DUS2: variants seen among roughly 807,000 people sequenced by gnomAD.
DUS2 encodes dihydrouridine synthase 2.
In DUS2, 52 loss-of-function variants were observed where a neutral mutation model predicts 71.3. The observed-to-expected ratio is 0.73, with a 90% CI of 0.58 to 0.92. The LOEUF (loss-of-function observed/expected upper bound fraction) is 0.92, where lower values mean the gene tolerates loss of function less well. Ranked by LOEUF, DUS2 falls within the 40% of genes least tolerant of loss-of-function variation. DUS2 has a pLI of 0.00. For synonymous variants in DUS2, 204 were observed against 227.8 expected, an observed-to-expected ratio of 0.90 and a Z score of 0.94; for missense variants, 558 against 622.6, an observed-to-expected ratio of 0.90 and a Z score of 1.10.
intron 3 of DUS2, among the ~76,000 whole-genome samples, chr16:68,043,228 G>T (rs527784838): frequency 3.3e-5 from 5 of 152,158 alleles, no homozygotes; most frequent in African/African-American, 1.2e-4. Flanking sequence ...GCAACATGGT[G>T]AAACCCCGTC....
intron 4 of DUS2, among the ~76,000 whole-genome samples, chr16:68,051,778 T>C (rs2033782049): frequency 6.6e-6 from 1 of 152,204 alleles, no homozygotes; most frequent in Admixed American, 6.5e-5. Flanking sequence ...AGTGCTATAA[T>C]TTCATGCCGA....
At chr16:68,074,858 A>G (rs1370182403) in intron 13 of DUS2, among the ~76,000 whole-genome samples, 1 of 152,092 alleles carries the variant, frequency 6.6e-6, no homozygotes, top group African/African-American at 2.4e-5. Context: ...CCCTTGGCTT[A>G]TGGCATTGGT....
chr16:68,042,232 T>C (rs1357233552), intron 3 of DUS2, among the ~76,000 whole-genome samples: 1 of 152,216 alleles, frequency 6.6e-6, no homozygotes, highest in Admixed American at 6.5e-5. Context: ...CTCTATTGTA[T>C]GTATATATCA....
intron 10 of DUS2, among the ~76,000 whole-genome samples, chr16:68,067,833 A>G (rs2034031598): frequency 6.7e-6 from 1 of 150,128 alleles, no homozygotes; most frequent in African/African-American, 2.5e-5. Flanking sequence ...CTAATTTTTT[A>G]TTTTTTTGTA....
chr16:68,071,638 CTT>C (rs377115620), intron 12 of DUS2, among the ~76,000 whole-genome samples: 27 of 135,346 alleles, frequency 2.0e-4, no homozygotes, highest in Admixed American at 3.8e-4. Context: ...TAGGGAATAG[CTT>C]TTTTTTTTTT....
intron 3 of DUS2, 80 bp from the exon 4 acceptor site, chr16:68,049,425 C>T: frequency 1.4e-6 from 2 of 1,466,412 alleles, no homozygotes; most frequent in South Asian, 2.3e-5. Flanking sequence ...AAGCGATCCT[C>T]ATTAGGTGTG....
chr16:68,033,634 A>ATTTT (rs548683357), intron 2 of DUS2, among the ~76,000 whole-genome samples: 20 of 125,304 alleles, frequency 1.6e-4, no homozygotes, highest in Admixed American at 2.5e-4. Flanking sequence ...ACAGGTGCTA[A>ATTTT]TTTTTTTTTT....
intron 10 of DUS2, among the ~76,000 whole-genome samples, chr16:68,069,812 G>A (rs2034058325): frequency 6.6e-6 from 1 of 152,184 alleles, no homozygotes; most frequent in Non-Finnish European, 1.5e-5. Context: ...ATCTCTGGCA[G>A]AGGCAAAAGG....
intron 3 of DUS2, among the ~76,000 whole-genome samples, chr16:68,042,366 T>G (rs1196833876): frequency 6.6e-6 from 1 of 152,220 alleles, no homozygotes; most frequent in Admixed American, 6.5e-5. Flanking sequence ...TTTTAATTCT[T>G]TTGATTATAT....
intron 13 of DUS2, 30 bp downstream of exon 13, chr16:68,074,185 C>G: frequency 6.2e-7 from 1 of 1,613,074 alleles, no homozygotes. Context: ...GTCCATCTGT[C>G]CTTGTACGCA....
chr16:68,034,174 T>G (rs2033482682), intron 2 of DUS2, among the ~76,000 whole-genome samples: 1 of 152,112 alleles, frequency 6.6e-6, no homozygotes, highest in Admixed American at 6.6e-5. Flanking sequence ...GCTCTAGTGA[T>G]CTCACCTCAG....
At position 68,066,396 on chromosome 16, in the gene DUS2, G is replaced by A; in HGVS notation, c.483+14G>A. 1.2e-6 allele frequency: 2 copies of A among 1,613,176 alleles called. No individual in the cohort carries two copies. Among genetic ancestry groups the A allele is most frequent in the South Asian group, 2.2e-5 (2 of 91,068 alleles). ...ATCCTGCCATCGGTAAGGATGGTGT[G>A]TTACATATGAAGGTCCATTCTCTCT... On this transcript the variant is annotated intron_variant, in intron 9 of 16. Transcript: ENST00000565263.
chr16:68,046,601 C>T (rs2033704745), intron 3 of DUS2, among the ~76,000 whole-genome samples: 1 of 152,060 alleles, frequency 6.6e-6, no homozygotes, highest in Non-Finnish European at 1.5e-5. Flanking sequence ...TAGGACTATT[C>T]CCATTTTTTA....
At chr16:68,023,571 T>G (rs2033293358) in intron 1 of DUS2, 1 of 238,106 alleles carries the variant, frequency 4.2e-6, no homozygotes, top group Non-Finnish European at 8.9e-6. Flanking sequence ...CCCGTGCTGG[T>G]ATCCGAGGTT....
At chr16:68,040,520 T>C (rs951025342) in intron 3 of DUS2, among the ~76,000 whole-genome samples, 1 of 152,224 alleles carries the variant, frequency 6.6e-6, no homozygotes, top group Non-Finnish European at 1.5e-5. Flanking sequence ...GTCCTGCTCC[T>C]GTATGGAGCA....
chr16:68,045,605 C>CT (rs1186002410), intron 3 of DUS2, among the ~76,000 whole-genome samples: 1 of 148,982 alleles, frequency 6.7e-6, no homozygotes, highest in East Asian at 2.0e-4. Context: ...GAGCAAAACT[C>CT]TGTCTTAAAA....
intron 12 of DUS2, among the ~76,000 whole-genome samples, chr16:68,073,449 CTTTT>C (rs1213508148): frequency 8.9e-6 from 1 of 111,832 alleles, no homozygotes; most frequent in Admixed American, 9.0e-5. Flanking sequence ...TTTTCTTTTT[CTTTT>C]TTTTTTTTTT....
chr16:68,066,452 T>A, intron 9 of DUS2, 70 bp downstream of exon 9: 2 of 1,592,162 alleles, frequency 1.3e-6, no homozygotes, highest in Non-Finnish European at 1.7e-6. Flanking sequence ...TGTGAACGAT[T>A]CTTGAGGTGC....
intron 6 of DUS2, 32 bp from the exon 7 acceptor site, chr16:68,056,332 C>G: frequency 6.3e-7 from 1 of 1,597,824 alleles, no homozygotes; most frequent in Non-Finnish European, 8.6e-7. Flanking sequence ...TAATTCAATA[C>G]TTATTACCTT....
Sources: allele counts gnomAD v4.1 joint callset (sites outside exome capture counted in the v4.1 genomes callset), GRCh38; gene constraint gnomAD v4.1.1; transcripts MANE v1.5; gene names NCBI Gene and HGNC (gene_info 2026-07-23, HGNC 2026-07-21).